ZNF804B: variants seen among roughly 807,000 people sequenced by gnomAD.
The protein encoded by ZNF804B is zinc finger protein 804B, also known as zinc finger 804B.
In ZNF804B, 80 loss-of-function variants were observed where a neutral mutation model predicts 101.4. That is an observed-to-expected ratio of 0.79 (90% CI 0.66 to 0.95). The LOEUF (loss-of-function observed/expected upper bound fraction) is 0.95. Ranked by LOEUF, ZNF804B falls within the 40% of genes least tolerant of loss-of-function variation. The pLI is 0.00. For missense variants in ZNF804B, 1,673 were observed against 1,561.9 expected, an observed-to-expected ratio of 1.07 and a Z score of -1.20; for synonymous variants, 622 against 558.8, an observed-to-expected ratio of 1.11 and a Z score of -1.59.
intron 1 of ZNF804B, among the ~76,000 whole-genome samples, chr7:88,929,947 A>C (rs1229262866): frequency 6.6e-6 from 1 of 151,964 alleles, no homozygotes; most frequent in Non-Finnish European, 1.5e-5. Flanking sequence ...CTTTCAAAAA[A>C]AATGTATCTT....
intron 2 of ZNF804B, among the ~76,000 whole-genome samples, chr7:89,234,476 C>T (rs1443147199): frequency 6.6e-6 from 1 of 152,018 alleles, no homozygotes; most frequent in Non-Finnish European, 1.5e-5. Flanking sequence ...TAAATACCAC[C>T]TGTGATGGTT....
At chr7:89,250,608 G>T (rs771308496) in intron 2 of ZNF804B, among the ~76,000 whole-genome samples, 1 of 152,020 alleles carries the variant, frequency 6.6e-6, no homozygotes, top group African/African-American at 2.4e-5. Flanking sequence ...AGCATCCCCC[G>T]ATACCAAAAC....
At chr7:89,164,821 A>C (rs889381593) in intron 1 of ZNF804B, among the ~76,000 whole-genome samples, 2 of 152,108 alleles carry the variant, frequency 1.3e-5, no homozygotes, top group African/African-American at 4.8e-5. Flanking sequence ...AAACTTTTAG[A>C]TATCAGTACC....
chr7:89,053,955 T>A (rs1195346887), intron 1 of ZNF804B, among the ~76,000 whole-genome samples: 1 of 151,422 alleles, frequency 6.6e-6, no homozygotes, highest in Non-Finnish European at 1.5e-5. Context: ...GTGTTATTTG[T>A]CACTCACTAT....
At chr7:89,281,271 A>T (rs1790089948) in intron 2 of ZNF804B, among the ~76,000 whole-genome samples, 2 of 152,188 alleles carry the variant, frequency 1.3e-5, no homozygotes, top group African/African-American at 4.8e-5. Context: ...GGGGAGAAAA[A>T]ACCAATAGCT....
chr7:88,814,904 A>G (rs1479835695), intron 1 of ZNF804B, among the ~76,000 whole-genome samples: 1 of 151,804 alleles, frequency 6.6e-6, no homozygotes, highest in South Asian at 2.1e-4. Context: ...ATAACTGAAG[A>G]CAGATAAGAA....
intron 1 of ZNF804B, among the ~76,000 whole-genome samples, chr7:88,766,394 ACACT>A (rs1303100404): frequency 6.6e-6 from 1 of 152,226 alleles, no homozygotes; most frequent in Non-Finnish European, 1.5e-5. Flanking sequence ...TCCTGAGATG[ACACT>A]CAGATAACAT....
chr7:88,805,963 CT>C (rs35873026), intron 1 of ZNF804B, among the ~76,000 whole-genome samples: 63,737 of 143,982 alleles, frequency 0.44, 14,559 homozygotes, highest in East Asian at 0.8. Context: ...TAGCTTTGTG[CT>C]TTTTTTTTTT....
chr7:88,868,033 CTGTGTGTGTGTGTGAGTGTGTGTGTGTG>C (rs1562817328), intron 1 of ZNF804B, among the ~76,000 whole-genome samples: 2 of 135,032 alleles, frequency 1.5e-5, no homozygotes, highest in Non-Finnish European at 3.1e-5. Context: ...CATAATTCTA[CTGTGTGTGTGTGTGAGTGTGTGTGTGTG>C]TGTGTGTGTG....
At chr7:89,076,147 A>G (rs1789612837) in intron 1 of ZNF804B, among the ~76,000 whole-genome samples, 1 of 152,066 alleles carries the variant, frequency 6.6e-6, no homozygotes, top group Admixed American at 6.6e-5. Flanking sequence ...ACTTTGAGAA[A>G]CCGTTGGGAA....
At chr7:88,886,041 A>C (rs1238086096) in intron 1 of ZNF804B, among the ~76,000 whole-genome samples, 1 of 152,134 alleles carries the variant, frequency 6.6e-6, no homozygotes, top group Non-Finnish European at 1.5e-5. Context: ...TTAGTTTTCC[A>C]TTAACCACAA....
chr7:88,908,081 A>G (rs562433631), intron 1 of ZNF804B, among the ~76,000 whole-genome samples: 98 of 151,934 alleles, frequency 6.5e-4, no homozygotes, highest in African/African-American at 2.3e-3. Flanking sequence ...TGAAAAAGAT[A>G]TATTAGACAT....
chr7:89,116,077 T>TA (rs1790308042), intron 1 of ZNF804B, among the ~76,000 whole-genome samples: 4 of 150,950 alleles, frequency 2.6e-5, no homozygotes, highest in Admixed American at 1.3e-4. Flanking sequence ...GTTATTATTT[T>TA]TTTTTTTTGT....
chr7:88,905,785 T>G (rs1301564671), intron 1 of ZNF804B, among the ~76,000 whole-genome samples: 1 of 152,132 alleles, frequency 6.6e-6, no homozygotes, highest in Non-Finnish European at 1.5e-5. Context: ...TAGAATGAGT[T>G]AGGGATAAGC....
intron 1 of ZNF804B, among the ~76,000 whole-genome samples, chr7:88,871,042 A>T (rs1791815530): frequency 6.6e-6 from 1 of 152,232 alleles, no homozygotes; most frequent in Non-Finnish European, 1.5e-5. Context: ...TTCTATTAAA[A>T]GATTGATAAT....
chr7:88,857,476 T>C (rs879146755), intron 1 of ZNF804B, among the ~76,000 whole-genome samples: 1 of 152,128 alleles, frequency 6.6e-6, no homozygotes, highest in Non-Finnish European at 1.5e-5. Flanking sequence ...CAGAGAATAC[T>C]ATCAACAACT....
At chr7:88,824,918 G>C (rs1295502483) in intron 1 of ZNF804B, among the ~76,000 whole-genome samples, 2 of 152,204 alleles carry the variant, frequency 1.3e-5, no homozygotes, top group African/African-American at 4.8e-5. Flanking sequence ...GGTTATAAAA[G>C]TTCTGAATGG....
intron 2 of ZNF804B, among the ~76,000 whole-genome samples, chr7:89,223,108 T>C (rs1789030869): frequency 6.6e-6 from 1 of 151,934 alleles, no homozygotes; most frequent in South Asian, 2.1e-4. Context: ...ATAATGATTA[T>C]AATGGTGGTG....
At chr7:89,165,967 C>T (rs1181017739) in intron 1 of ZNF804B, among the ~76,000 whole-genome samples, 1 of 151,976 alleles carries the variant, frequency 6.6e-6, no homozygotes, top group Non-Finnish European at 1.5e-5. Context: ...TTAATTTATA[C>T]CTTGAAAATG....
Sources: gnomAD v4.1 joint callset for allele counts (sites outside exome capture counted in the v4.1 genomes callset) on GRCh38, gnomAD v4.1.1 for gene constraint, MANE v1.5 for transcripts, NCBI Gene and HGNC (gene_info 2026-07-23, HGNC 2026-07-21) for gene names.